Variants in CCDC170 observed in about 807,000 individuals in gnomAD.
CCDC170 encodes the protein coiled-coil domain containing 170.
A neutral mutation model predicts 72.6 loss-of-function variants in CCDC170; 69 were observed. The observed-to-expected ratio is 0.95, with a 90% confidence interval of 0.78 to 1.16. The LOEUF is 1.16. Among genes scored for constraint, CCDC170 ranks in the 50% most tolerant of loss-of-function variants. The pLI is 0.00. For synonymous variants in CCDC170, 300 were observed against 303.9 expected, an observed-to-expected ratio of 0.99 and a Z score of 0.13; for missense variants, 852 against 832.5, an observed-to-expected ratio of 1.02 and a Z score of -0.29.
chr6:151,571,919 A>C (rs913935921), intron 5 of CCDC170, among the ~76,000 whole-genome samples: 2 of 152,208 alleles, frequency 1.3e-5, no homozygotes, highest in Admixed American at 6.5e-5. Flanking sequence ...GCACTGATGC[A>C]ATTACTGCTC....
At chr6:151,507,985 G>C (rs1782089307) in intron 1 of CCDC170, among the ~76,000 whole-genome samples, 1 of 151,930 alleles carries the variant, frequency 6.6e-6, no homozygotes, top group Non-Finnish European at 1.5e-5. Context: ...GTTACTACTA[G>C]GTGATAGATA....
At chr6:151,568,778 C>A (rs1259140194) in intron 5 of CCDC170, among the ~76,000 whole-genome samples, 1 of 152,164 alleles carries the variant, frequency 6.6e-6, no homozygotes, top group Non-Finnish European at 1.5e-5. Context: ...CATTTCATTT[C>A]AAGACTACAT....
At chr6:151,557,265 C>T (rs185708880) in intron 5 of CCDC170, among the ~76,000 whole-genome samples, 30 of 151,936 alleles carry the variant, frequency 2.0e-4, no homozygotes, top group Admixed American at 1.4e-3. Context: ...AAAAGTTAGC[C>T]GGGTGTGGTG....
At chr6:151,571,985 AG>A (rs1458703135) in intron 5 of CCDC170, among the ~76,000 whole-genome samples, 7 of 152,136 alleles carry the variant, frequency 4.6e-5, no homozygotes, top group African/African-American at 1.4e-4. Context: ...CCTCCCAAGT[AG>A]CTGGGACCAT....
chr6:151,593,041 A>T lies in CCDC170; in HGVS notation c.1294-66A>T. On this transcript the variant is annotated intron_variant, in intron 7 of 10. Transcript: ENST00000239374. ...GTAAGCTTGGGAGAAAGAGGAAGAG[A>T]TTCTGTGAGATCACTCATTAACTTT... 3 of 1,521,412 alleles carry T rather than the reference A, an allele frequency of 2.0e-6. No individual in the cohort carries two copies. The Admixed American group carries it at 5.1e-5, about 26-fold the overall frequency. The allele number at this position is 1,521,412 out of a possible 1,614,324, so 94.2% of individuals were successfully genotyped here.
chr6:151,511,021 C>A (rs1782140566), intron 1 of CCDC170, among the ~76,000 whole-genome samples: 1 of 152,138 alleles, frequency 6.6e-6, no homozygotes, highest in Non-Finnish European at 1.5e-5. Flanking sequence ...CAGGTGTGAG[C>A]CACTGCACCC....
intron 1 of CCDC170, among the ~76,000 whole-genome samples, chr6:151,522,864 G>A (rs1782343675): frequency 6.6e-6 from 1 of 152,158 alleles, no homozygotes; most frequent in African/African-American, 2.4e-5. Flanking sequence ...TTCTCTTCTT[G>A]CTTTCGAGAA....
At chr6:151,601,077 A>G (rs1227652315) in intron 9 of CCDC170, among the ~76,000 whole-genome samples, 6 of 152,206 alleles carry the variant, frequency 3.9e-5, no homozygotes, top group Non-Finnish European at 8.8e-5. Context: ...AATTTCCAAA[A>G]GAAAGAGGTT....
intron 2 of CCDC170, 122 bp from the exon 3 acceptor site, chr6:151,537,923 A>G: frequency 1.0e-6 from 1 of 956,628 alleles, no homozygotes; most frequent in Non-Finnish European, 1.5e-6. Flanking sequence ...GAAAAAAAAT[A>G]AAGTTAGATT....
chr6:151,539,961 A>G (rs1221906209), intron 3 of CCDC170, among the ~76,000 whole-genome samples: 1 of 152,144 alleles, frequency 6.6e-6, no homozygotes, highest in African/African-American at 2.4e-5. Flanking sequence ...TCTATCTTCA[A>G]AACAAATCTA....
intron 8 of CCDC170, among the ~76,000 whole-genome samples, chr6:151,594,802 C>A (rs1253681272): frequency 1.3e-5 from 2 of 152,118 alleles, no homozygotes; most frequent in African/African-American, 4.8e-5. Flanking sequence ...CAGGCACCTG[C>A]AACCATGCCT....
intron 9 of CCDC170, among the ~76,000 whole-genome samples, chr6:151,600,236 T>C (rs1371202234): frequency 3.3e-5 from 5 of 152,216 alleles, no homozygotes; most frequent in Non-Finnish European, 2.9e-5. Flanking sequence ...CGGTATCAGC[T>C]ATCCACCATT....
intron 1 of CCDC170, among the ~76,000 whole-genome samples, chr6:151,533,684 AT>A (rs1333584424): frequency 7.1e-6 from 1 of 141,082 alleles, no homozygotes; most frequent in African/African-American, 2.6e-5. Context: ...AAAAAAAAAA[AT>A]CATCACTTCT....
At chr6:151,587,718 A>G (rs1776475465) in intron 7 of CCDC170, among the ~76,000 whole-genome samples, 1 of 152,226 alleles carries the variant, frequency 6.6e-6, no homozygotes, top group South Asian at 2.1e-4. Context: ...TAATAGTACA[A>G]TAGTGCAATT....
At chr6:151,551,124 C>A (rs1782871768) in intron 5 of CCDC170, among the ~76,000 whole-genome samples, 1 of 152,176 alleles carries the variant, frequency 6.6e-6, no homozygotes, top group South Asian at 2.1e-4. Context: ...CACCCACCCA[C>A]CATCCACCCA....
In CCDC170 at chr6:151,620,453, G is replaced by A. The variant is rs1248098670; in HGVS notation, c.*2306G>A. On this transcript the variant is annotated 3_prime_UTR_variant, in exon 11 of 11. Transcript: ENST00000239374. ...GGCCAGAGGCAGGACAGGCAGTCTT[G>A]AATTTCCTCTAGGGGAGGCCTGCAG... The A allele has an allele frequency of 6.6e-6, 1 of 152,484 alleles. No individual in the cohort carries two copies. The highest frequency in any genetic ancestry group is 1.5e-5 in the Non-Finnish European group (1 of 68,258). 9.4% of individuals were successfully genotyped at this position (152,484 alleles called of 1,614,324 possible).
intron 9 of CCDC170, among the ~76,000 whole-genome samples, chr6:151,610,323 C>G (rs934592945): frequency 6.6e-6 from 1 of 152,116 alleles, no homozygotes; most frequent in Non-Finnish European, 1.5e-5. Context: ...TCAATACTTC[C>G]CTTTCCCAAC....
intron 5 of CCDC170, among the ~76,000 whole-genome samples, chr6:151,556,923 T>A (rs1041663825): frequency 2.0e-5 from 3 of 152,194 alleles, no homozygotes; most frequent in African/African-American, 7.2e-5. Context: ...TCTATTTTTC[T>A]ACTCTCTAAC....
Position 151,620,146 on chromosome 6 carries a change from C to T in CCDC170, c.*1999C>T, listed in dbSNP as rs1191989160. The T allele has an allele frequency of 1.6e-5, 2 of 123,940 alleles. No homozygotes were observed. The highest frequency in any genetic ancestry group is 3.3e-5 in the Non-Finnish European group (2 of 59,998). 7.7% of individuals were successfully genotyped at this position (123,940 alleles called of 1,614,324 possible). On this transcript the variant is annotated 3_prime_UTR_variant, in exon 11 of 11. Transcript: ENST00000239374. ...TAAAATGGGAAAAAATAGTGAAGAT[C>T]TTCTTTTAGGAAAACTACCAATAAA...
Sources: gnomAD v4.1 joint callset for allele counts (sites outside exome capture counted in the v4.1 genomes callset) on GRCh38, gnomAD v4.1.1 for gene constraint, MANE v1.5 for transcripts, NCBI Gene and HGNC (gene_info 2026-07-23, HGNC 2026-07-21) for gene names.